Variants in UBR4 observed in about 807,000 individuals in gnomAD.
UBR4 encodes E3 ubiquitin-protein ligase UBR4.
A neutral mutation model predicts 575.6 loss-of-function variants in UBR4; 124 were observed. The ratio of observed to expected loss-of-function variants is 0.22; its 90% CI spans 0.19 to 0.25. The LOEUF (loss-of-function observed/expected upper bound fraction) is 0.25. Ranked by LOEUF, UBR4 falls within the 10% of genes least tolerant of loss-of-function variation. UBR4 has a pLI of 1.00. For synonymous variants in UBR4, 2,455 were observed against 2,473.7 expected (o/e 0.99, Z 0.22); for missense variants, 4,818 against 6,478.8 (o/e 0.74, Z 8.80).
chr1:19,139,671 G>A lies in UBR4; in HGVS notation c.8594-451C>T, dbSNP rs1269998100. Among the ~76,000 whole-genome samples, 2 of 152,210 alleles carry A rather than the reference G, an allele frequency of 1.3e-5. No homozygotes were observed. Among genetic ancestry groups the A allele is most frequent in the Non-Finnish European group, 2.9e-5 (2 of 68,046 alleles). On this transcript the variant is annotated intron_variant, in intron 58 of 105. Transcript: ENST00000375254. This position sits in a 1 kb window ranked among gnomAD's most constrained non-coding sequence, Gnocchi z 4.2. ...AGCATAGAACTCTGAATTTTAATGA[G>A]ACTTGTTTTGAAATCAGTCAAGTTT...
intron 2 of UBR4, among the ~76,000 whole-genome samples, chr1:19,201,066 G>C (rs2092720266): frequency 6.6e-6 from 1 of 152,142 alleles, no homozygotes; most frequent in Non-Finnish European, 1.5e-5. Flanking sequence ...TAGAGCCCAG[G>C]AGTTCAAGGA....
intron 30 of UBR4, 102 bp from the exon 31 acceptor site, chr1:19,165,451 C>T (rs1184524181): frequency 2.6e-6 from 3 of 1,151,350 alleles, no homozygotes; most frequent in African/African-American, 3.1e-5. Context: ...AAAATGACCA[C>T]TTATGAGTCA....
chr1:19,204,408 G>C (rs1027278466), intron 1 of UBR4, among the ~76,000 whole-genome samples: 6 of 151,972 alleles, frequency 3.9e-5, no homozygotes, highest in Non-Finnish European at 5.9e-5. Flanking sequence ...CCAAAGTTCA[G>C]AGCTGCTTAT....
intron 90 of UBR4, 41 bp from the exon 91 acceptor site, chr1:19,097,321 C>G (rs751607371): frequency 6.3e-7 from 1 of 1,585,304 alleles, no homozygotes; most frequent in Non-Finnish European, 8.6e-7. Context: ...AAAAACAGGC[C>G]CAGACAAATG....
Position 19,122,032 on chromosome 1 carries a change from C to G in UBR4, c.9817-20G>C, listed in dbSNP as rs904899635. The G allele has an allele frequency of 6.2e-7, 1 of 1,613,524 alleles. No homozygotes were observed. Among genetic ancestry groups the G allele is most frequent in the East Asian group, 2.2e-5 (1 of 44,876 alleles). On this transcript the variant is annotated intron_variant, in intron 66 of 105. Coordinates refer to ENST00000375254, the MANE Select transcript of UBR4 (RefSeq NM_020765.3). ...CTCCATCTGAAATAGGAACCAACCA[C>G]GGGAAAGGAGTAACTCCACCACATT... is the stretch of plus-strand genomic sequence containing the variant.
Position 19,177,317 on chromosome 1 carries a change from G to A in UBR4, c.2637+144C>T, listed in dbSNP as rs2090372089. The A allele has an allele frequency of 4.2e-6, 4 of 955,888 alleles. No homozygotes were observed. The South Asian group carries it at 6.4e-5, about 15-fold the overall frequency. 59.2% of individuals were successfully genotyped at this position (955,888 alleles called of 1,614,324 possible). ...GCTAAACATCAAGTACAAAGTCTCA[G>A]TGGTCCTCCTAATCCTACCCATCAA... On this transcript the variant is annotated intron_variant, in intron 19 of 105. Coordinates refer to ENST00000375254, the MANE Select transcript of UBR4 (RefSeq NM_020765.3).
intron 63 of UBR4, 118 bp downstream of exon 63, chr1:19,127,505 C>T (rs574210251): frequency 1.3e-6 from 1 of 757,422 alleles, no homozygotes; most frequent in Non-Finnish European, 2.3e-6. Flanking sequence ...GAATCTTACT[C>T]CCCTCAGGGA....
chr1:19,082,659 G>T (rs904041162), intron 102 of UBR4, among the ~76,000 whole-genome samples: 1 of 152,188 alleles, frequency 6.6e-6, no homozygotes, highest in African/African-American at 2.4e-5. Flanking sequence ...AAGTTACCAG[G>T]TCTATAGGTG....
In UBR4 at chr1:19,186,653, C is replaced by T; in HGVS notation, c.1637G>A (p.Cys546Tyr). 1 of 1,613,880 alleles carries T rather than the reference C, an allele frequency of 6.2e-7. No individual in the cohort carries two copies. Among genetic ancestry groups the T allele is most frequent in the Non-Finnish European group, 8.5e-7 (1 of 1,179,806 alleles). Residue 546 changes from cysteine to tyrosine, a missense_variant, in exon 14 of 106, where the codon TGT (cysteine) becomes TAT (tyrosine). Around this residue, in one of 29 missense-constraint regions of UBR4, gnomAD observed 162 missense variants for 216.4 expected, o/e 0.75. Transcript: ENST00000375254. ...GCCCTTCCTCTGCCGCTGCAGGACA[C>T]ATGCCTAGGAAAATGACAATTACAA... ...TLLSTSYRKA[C>Y]VLQRQRKGSM...
rs1478806288 is a variant in UBR4, at chr1:19,117,729, G to C, written c.10629+94C>G. 7 of 1,228,842 alleles carry C rather than the reference G, an allele frequency of 5.7e-6. No individual in the cohort carries two copies. The highest frequency in any genetic ancestry group is 8.3e-6 in the Non-Finnish European group (7 of 843,902). The allele number at this position is 1,228,842 out of a possible 1,614,324, so 76.1% of individuals were successfully genotyped here. ...TACTATCGGTGACCAACCATTAGGA[G>C]AGGAACATCTATGTGATAATGATCC... On this transcript the variant is annotated intron_variant, in intron 72 of 105. Coordinates refer to ENST00000375254, the MANE Select transcript of UBR4 (RefSeq NM_020765.3). This position sits in a 1 kb window ranked among gnomAD's most constrained non-coding sequence, Gnocchi z 4.0.
intron 60 of UBR4, among the ~76,000 whole-genome samples, chr1:19,132,061 T>A (rs988099707): frequency 2.7e-4 from 41 of 152,214 alleles, no homozygotes; most frequent in African/African-American, 9.4e-4. Context: ...ATAATTTGAA[T>A]TGAATAGCAA....
At chr1:19,081,971 T>A (rs949889766) in intron 102 of UBR4, 2 of 589,384 alleles carry the variant, frequency 3.4e-6, no homozygotes, top group African/African-American at 3.7e-5. Flanking sequence ...TAGTGAGTGA[T>A]GGGGCCAAAA....
rs535369262 is a variant in UBR4 at position 19,166,714 on chromosome 1, C to CAAAAAAAAAAAA, written c.4109+296_4109+307dup. ...ACAACATGGCAAACTCCATCTCTAC[C>CAAAAAAAAAAAA]AAAAAAAAAAAAAAAAAAAAAAAAA... On this transcript the variant is annotated intron_variant, in intron 29 of 105. Transcript: ENST00000375254. Among the ~76,000 whole-genome samples the CAAAAAAAAAAAA allele has an allele frequency of 1.1e-4, 8 of 73,756 alleles. 2 individuals carry two copies. Among genetic ancestry groups the CAAAAAAAAAAAA allele is most frequent in the African/African-American group, 4.0e-4 (6 of 15,130 alleles). 48.4% of individuals were successfully genotyped at this position (73,756 alleles called of 152,430 possible).
At chr1:19,113,029 G>T in intron 77 of UBR4, 162 bp from the exon 78 acceptor site, 1 of 718,454 alleles carries the variant, frequency 1.4e-6, no homozygotes, top group Non-Finnish European at 2.2e-6. Context: ...ATTTTACAGA[G>T]AAGGAAACTG....
rs2092501417 is a variant in UBR4, at chr1:19,197,073, T to C, written c.1018+68A>G. The C allele has an allele frequency of 2.5e-6, 4 of 1,570,538 alleles. No individual in the cohort carries two copies. The Admixed American group carries it at 7.3e-5, about 29-fold the overall frequency. ...GATGAGTAGAGTATTCAGGAGGATTTTCATGGTTTCCTGAAAGTATATCTC... is the reference window on the plus strand; with the variant it reads ...GATGAGTAGAGTATTCAGGAGGATTCTCATGGTTTCCTGAAAGTATATCTC... On this transcript the variant is annotated intron_variant, in intron 8 of 105. Coordinates refer to ENST00000375254, the MANE Select transcript of UBR4 (RefSeq NM_020765.3).
intron 26 of UBR4, among the ~76,000 whole-genome samples, chr1:19,170,462 T>C (rs1396438491): frequency 6.6e-6 from 1 of 152,142 alleles, no homozygotes. Context: ...AAAGACAAAA[T>C]AGCCTTATGC....
At chr1:19,183,722 A>G in intron 17 of UBR4, 89 bp downstream of exon 17, 1 of 1,390,304 alleles carries the variant, frequency 7.2e-7, no homozygotes, top group East Asian at 2.4e-5. Flanking sequence ...ACTCCATCTC[A>G]AAAAAACAAA....
chr1:19,172,153 T>C (rs890899008), intron 25 of UBR4, among the ~76,000 whole-genome samples: 1 of 152,232 alleles, frequency 6.6e-6, no homozygotes, highest in Non-Finnish European at 1.5e-5. Flanking sequence ...TAGAAAGAGT[T>C]GAATTTCAAA....
In UBR4 at chr1:19,074,854, T is replaced by G. The variant is rs2075764479; in HGVS notation, c.15530A>C (p.Asp5177Ala). The G allele has an allele frequency of 6.2e-7, 1 of 1,613,984 alleles. No homozygotes were observed. Among genetic ancestry groups the G allele is most frequent in the African/African-American group, 1.3e-5 (1 of 74,912 alleles). Residue 5177 changes from aspartate (D) to alanine (A), a missense_variant, in exon 106 of 106, where the codon GAC becomes GCC. Physicochemically the swap from Asp to Ala is moderately radical, Grantham distance 126 (BLOSUM62 -2). Around this residue, in one of 29 missense-constraint regions of UBR4, gnomAD observed 212 missense variants for 221.3 expected, o/e 0.96. Coordinates refer to ENST00000375254, the MANE Select transcript of UBR4 (RefSeq NM_020765.3). Reference protein sequence around the residue: ...EITDPESFLKDLLNSVP With the variant: ...EITDPESFLKALLNSVP ...TGGTCAGGGGACTGAGTTCAACAGG[T>G]CCTTCAGGAAGCTCTCTGGATCGGT...
Sources: gnomAD v4.1 joint callset for allele counts (sites outside exome capture counted in the v4.1 genomes callset) on GRCh38, gnomAD v4.1.1 for gene constraint, gnomAD v4.1.1 regional missense constraint, Gnocchi (gnomAD v3.1) non-coding constraint, MANE v1.5 for transcripts, NCBI Gene and HGNC (gene_info 2026-07-23, HGNC 2026-07-21) for gene names.